Variants in SP7 observed in about 807,000 individuals in gnomAD.
SP7 encodes the protein transcription factor Sp7.
Under a neutral mutation model 27.9 loss-of-function variants are expected in SP7, and 13 were observed. The ratio of observed to expected loss-of-function variants is 0.47; its 90% CI spans 0.30 to 0.74. The LOEUF (loss-of-function observed/expected upper bound fraction) is 0.74. Ranked by LOEUF, SP7 falls within the 30% of genes least tolerant of loss-of-function variation. SP7 has a pLI of 0.06. For missense variants in SP7, 525 were observed against 558.0 expected (o/e 0.94, Z 0.60); for synonymous variants, 219 against 226.7 (o/e 0.97, Z 0.31).
chr12:53,338,986 G>A (rs951742876), upstream of SP7, among the ~76,000 whole-genome samples: 11 of 152,136 alleles, frequency 7.2e-5, no homozygotes, highest in Non-Finnish European at 1.3e-4. Flanking sequence ...GCAATTGGAA[G>A]CCCTAACCAA....
At chr12:53,335,754 T>A in intron 1 of SP7, 61 bp from the exon 2 acceptor site, 6 of 1,171,024 alleles carry the variant, frequency 5.1e-6, no homozygotes, top group Middle Eastern at 3.5e-4. Flanking sequence ...AATGGGAGAA[T>A]GGGAGAGAAG....
Position 53,328,419 on chromosome 12 carries a change from C to G in SP7, c.1023G>C (p.Leu341=). 6.2e-7 allele frequency: 1 copy of G among 1,613,952 alleles called. No homozygotes were observed. The highest frequency in any genetic ancestry group is 8.5e-7 in the Non-Finnish European group (1 of 1,179,864). The change falls in exon 3 of 3, where the codon CTG becomes CTC. Residue 341 remains leucine, a synonymous_variant. Coordinates refer to ENST00000536324, the MANE Select transcript of SP7 (RefSeq NM_001173467.3). The surrounding 1 kb of genome is among the most constrained non-coding windows in gnomAD (Gnocchi z 5.1). The part of the protein sequence containing the change: ...CGKRFTRSDE[L]ERHVRTHTRE... ...GGGTGTGAGTGCGCACATGACGCTC[C>G]AGCTCATCCGAACGAGTGAACCTCT...
Position 53,328,786 on chromosome 12 carries a change from C to T in SP7, c.656G>A (p.Gly219Glu), listed in dbSNP as rs1944666441. The T allele has an allele frequency of 1.3e-6, 2 of 1,598,180 alleles. No homozygotes were observed. Among genetic ancestry groups the T allele is most frequent in the Non-Finnish European group, 1.7e-6 (2 of 1,168,766 alleles). ...ATCTTGGGGCAAGACATGCTGGGGC[C>T]CTGGTTGCAAGAGGTGGGGAGCTGG... is the stretch of plus-strand genomic sequence containing the variant. ...PYPAPHLLQP[G>E]PQHVLPQDVY... Residue 219 changes from glycine (G) to glutamate (E), a missense_variant, in exon 3 of 3, where the codon GGG becomes GAG. Coordinates refer to ENST00000536324, the MANE Select transcript of SP7 (RefSeq NM_001173467.3). This position sits in a 1 kb window ranked among gnomAD's most constrained non-coding sequence, Gnocchi z 5.1.
At chr12:53,343,175 G>A (rs1944838166) in intron 1 of SP7, among the ~76,000 whole-genome samples, 1 of 151,460 alleles carries the variant, frequency 6.6e-6, no homozygotes, top group Non-Finnish European at 1.5e-5. Flanking sequence ...GTGACAGAAT[G>A]AGACCTTGTC....
chr12:53,340,361 T>C (rs1270425063), upstream of SP7, among the ~76,000 whole-genome samples: 1 of 152,176 alleles, frequency 6.6e-6, no homozygotes, highest in East Asian at 1.9e-4. Context: ...TATAAGGATC[T>C]GGAGATAAGG....
Position 53,329,127 on chromosome 12 carries a change from G to C in SP7, c.315C>G (p.Thr105=). ...TGGGCACTAGTAGCCCAGGGTCCTG[G>C]GTGCCTGTGGGCCCAGGGAATGAGT... ...FSHSFPGPTG[T]QDPGLLVPKG... Residue 105 remains threonine, a synonymous_variant, in exon 3 of 3, where the codon ACC becomes ACG. Transcript: ENST00000536324. 6.2e-7 allele frequency: 1 copy of C among 1,613,842 alleles called. No homozygotes were observed. Among genetic ancestry groups the C allele is most frequent in the Non-Finnish European group, 8.5e-7 (1 of 1,179,878 alleles).
intron 1 of SP7, among the ~76,000 whole-genome samples, chr12:53,342,641 C>T (rs1480856102): frequency 6.6e-6 from 1 of 152,038 alleles, no homozygotes; most frequent in African/African-American, 2.4e-5. Context: ...TGGTGAAACC[C>T]CATCTCTACT....
chr12:53,343,671 C>G (rs952965279), intron 1 of SP7, among the ~76,000 whole-genome samples: 3 of 152,102 alleles, frequency 2.0e-5, no homozygotes, highest in Non-Finnish European at 4.4e-5. Flanking sequence ...GGGAGAAGGG[C>G]AAAATCGGAG....
rs1171749110 is a variant in SP7, at chr12:53,331,638, T to C, written c.22-2218A>G. Among the ~76,000 whole-genome samples, 12 of 152,130 alleles carry C rather than the reference T, an allele frequency of 7.9e-5. 1 individual carries two copies. The highest frequency in any genetic ancestry group is 7.9e-4 in the Admixed American group (12 of 15,276). ...AGGAGGAAATGCCCTATAGCATCCC[T>C]GGCTGGCATAGACGGTCATTCATTG... On this transcript the variant is annotated intron_variant, in intron 2 of 2. Coordinates refer to ENST00000536324, the MANE Select transcript of SP7 (RefSeq NM_001173467.3).
At chr12:53,338,106 C>CGGA (rs56061756), upstream of SP7, among the ~76,000 whole-genome samples, 26,580 of 134,946 alleles carry the variant, frequency 0.2, 3,111 homozygotes, top group Non-Finnish European at 0.27. Flanking sequence ...TAGCCAGGTC[C>CGGA]GGAGGAGGAG....
chr12:53,339,449 G>C (rs1030095020), upstream of SP7, among the ~76,000 whole-genome samples: 7 of 148,318 alleles, frequency 4.7e-5, no homozygotes, highest in African/African-American at 1.7e-4. Flanking sequence ...AGTGGGGCCG[G>C]GTGCAGTGGC....
chr12:53,332,473 G>A (rs1944716021), intron 2 of SP7, among the ~76,000 whole-genome samples: 1 of 152,148 alleles, frequency 6.6e-6, no homozygotes, highest in African/African-American at 2.4e-5. Context: ...AGCTCCTCAG[G>A]AGGCTGAGAT....
intron 1 of SP7, among the ~76,000 whole-genome samples, chr12:53,342,817 A>AAAAT (rs554569574): frequency 9.9e-5 from 15 of 151,702 alleles, no homozygotes; most frequent in East Asian, 5.8e-4. Context: ...TCCGTCTCAA[A>AAAAT]AAATAAATAA....
At chr12:53,336,728 CTGTGTGTGTGTACGTGCCCGTGTG>C (rs1211452748), upstream of SP7, among the ~76,000 whole-genome samples, 6 of 151,700 alleles carry the variant, frequency 4.0e-5, no homozygotes, top group African/African-American at 9.7e-5. Flanking sequence ...GTATGTGCCC[CTGTGTGTGTGTACGTGCCCGTGTG>C]TGTGTGTGTG....
intron 1 of SP7, among the ~76,000 whole-genome samples, chr12:53,341,946 G>A (rs906025497): frequency 1.3e-5 from 2 of 152,134 alleles, no homozygotes; most frequent in African/African-American, 4.8e-5. Flanking sequence ...TGTAGTCCCA[G>A]CTACTTGGTA....
At chr12:53,341,952 T>C (rs6580946) in intron 1 of SP7, among the ~76,000 whole-genome samples, 106,444 of 151,818 alleles carry the variant, frequency 0.7, 38,014 homozygotes, top group East Asian at 1. Context: ...CCCAGCTACT[T>C]GGTAGGCTGA....
upstream of SP7, among the ~76,000 whole-genome samples, chr12:53,339,278 T>A (rs1592537726): frequency 1.3e-5 from 2 of 152,276 alleles, no homozygotes; most frequent in East Asian, 3.9e-4. Context: ...AGGACTGGGC[T>A]GAACCACAGG....
upstream of SP7, among the ~76,000 whole-genome samples, chr12:53,339,651 G>A (rs1565794828): frequency 6.6e-6 from 1 of 151,544 alleles, no homozygotes; most frequent in Non-Finnish European, 1.5e-5. Context: ...CTTGAACCCA[G>A]GAGGTGGAGA....
In SP7 at chr12:53,328,656, G is replaced by T. The variant is rs750532220; in HGVS notation, c.786C>A (p.Gly262=). 3.7e-6 allele frequency: 6 copies of T among 1,609,924 alleles called. No homozygotes were observed. The African/African-American group carries it at 8.0e-5, about 22-fold the overall frequency. The change falls in exon 3 of 3, where the codon GGC becomes GGA. Residue 262 remains glycine (G), a synonymous_variant. Coordinates refer to ENST00000536324, the MANE Select transcript of SP7 (RefSeq NM_001173467.3). This position sits in a 1 kb window ranked among gnomAD's most constrained non-coding sequence, Gnocchi z 5.1. The part of the protein sequence containing the change: ...ASTGGSGGYG[G]SGAGRSSCDC... ...CGCAGGAGGAGCGCCCTGCCCCACT[G>T]CCCCCATATCCACCACTACCCCCAG...
Sources: gnomAD v4.1 joint callset for allele counts (sites outside exome capture counted in the v4.1 genomes callset) on GRCh38, gnomAD v4.1.1 for gene constraint, Gnocchi (gnomAD v3.1) non-coding constraint, MANE v1.5 for transcripts, NCBI Gene and HGNC (gene_info 2026-07-23, HGNC 2026-07-21) for gene names.